SLC2A13: variants seen among roughly 807,000 people sequenced by gnomAD.
SLC2A13 encodes the protein proton myo-inositol cotransporter.
Under a neutral mutation model 64.4 loss-of-function variants are expected in SLC2A13, and 32 were observed. The ratio of observed to expected loss-of-function variants is 0.50; its 90% CI spans 0.37 to 0.67. The LOEUF (loss-of-function observed/expected upper bound fraction) is 0.67, where lower values mean the gene tolerates loss of function less well. Ranked by LOEUF, SLC2A13 falls within the 30% of genes least tolerant of loss-of-function variation. The pLI, the probability that SLC2A13 is intolerant of heterozygous loss-of-function variation, is 0.00. For missense variants in SLC2A13, 743 were observed against 829.2 expected, an observed-to-expected ratio of 0.90 and a Z score of 1.28; for synonymous variants, 338 against 327.1, an observed-to-expected ratio of 1.03 and a Z score of -0.36.
At chr12:40,079,934 G>C (rs775603767) in intron 1 of SLC2A13, among the ~76,000 whole-genome samples, 2 of 152,176 alleles carry the variant, frequency 1.3e-5, no homozygotes, top group Non-Finnish European at 2.9e-5. Flanking sequence ...CACAATCTCA[G>C]CTCACTACAA....
At chr12:39,900,867 T>G (rs957965192) in intron 4 of SLC2A13, among the ~76,000 whole-genome samples, 22 of 152,068 alleles carry the variant, frequency 1.4e-4, no homozygotes, top group African/African-American at 4.1e-4. Context: ...CCAAAAAAGA[T>G]CCCGCATCGC....
Position 39,755,524 on chromosome 12 carries a change from T to A in SLC2A13, c.*4502A>T, listed in dbSNP as rs1362104424. 1 of 152,152 alleles carries A rather than the reference T, an allele frequency of 6.6e-6. No individual in the cohort carries two copies. The highest frequency in any genetic ancestry group is 2.4e-5 in the African/African-American group (1 of 41,450). The allele number at this position is 152,152 out of a possible 1,614,324, so 9.4% of individuals were successfully genotyped here. ...GCTGCTAGGAGACAGTTTGGACGTG[T>A]AGAATATAAATTTCTACTTTGGCTA... On this transcript the variant is annotated 3_prime_UTR_variant, in exon 10 of 10. Transcript: ENST00000280871.
chr12:39,845,843 A>G (rs1450629582), intron 6 of SLC2A13, among the ~76,000 whole-genome samples: 1 of 152,164 alleles, frequency 6.6e-6, no homozygotes, highest in Non-Finnish European at 1.5e-5. Flanking sequence ...TACCAATGTT[A>G]GCACACAGTG....
At chr12:39,775,389 T>C (rs373003364) in intron 7 of SLC2A13, among the ~76,000 whole-genome samples, 2 of 152,220 alleles carry the variant, frequency 1.3e-5, no homozygotes, top group Non-Finnish European at 2.9e-5. Flanking sequence ...AGGATGTGGA[T>C]GTGGCCTACT....
At chr12:40,098,023 A>G (rs1325876802) in intron 1 of SLC2A13, among the ~76,000 whole-genome samples, 1 of 148,734 alleles carries the variant, frequency 6.7e-6, no homozygotes, top group African/African-American at 2.5e-5. Flanking sequence ...ATATATGTGT[A>G]TATGTATGTA....
intron 4 of SLC2A13, among the ~76,000 whole-genome samples, chr12:39,901,170 C>T (rs1440826404): frequency 1.3e-5 from 2 of 152,256 alleles, no homozygotes; most frequent in African/African-American, 4.8e-5. Context: ...CTTCCTTACA[C>T]CTTATACAAA....
At position 39,803,218 on chromosome 12, in the gene SLC2A13, A is replaced by C. The variant is rs547747125; in HGVS notation, c.1445+26885T>G. Among the ~76,000 whole-genome samples, 439 of 152,022 alleles carry C rather than the reference A, an allele frequency of 2.9e-3. 1 individual carries two copies. The highest frequency in any genetic ancestry group is 0.01 in the African/African-American group (416 of 41,444). ...AGAAGCAAATGCAAAAAAAAAAAAA[A>C]AAAACTTTCTAGAAGGACAAGCTCT... On this transcript the variant is annotated intron_variant, in intron 7 of 9. Coordinates refer to ENST00000280871, the MANE Select transcript of SLC2A13 (RefSeq NM_052885.4).
At chr12:39,789,668 CAGT>C (rs779588382) in intron 7 of SLC2A13, among the ~76,000 whole-genome samples, 2 of 152,118 alleles carry the variant, frequency 1.3e-5, no homozygotes, top group Non-Finnish European at 2.9e-5. Context: ...TTCTCACTAG[CAGT>C]AGAAGACAGA....
At chr12:39,955,941 G>A (rs544455335) in intron 3 of SLC2A13, among the ~76,000 whole-genome samples, 3 of 152,158 alleles carry the variant, frequency 2.0e-5, no homozygotes, top group Non-Finnish European at 4.4e-5. Context: ...AATGTCTACT[G>A]CGTTAAGCTA....
At chr12:39,934,892 G>A (rs956706172) in intron 4 of SLC2A13, among the ~76,000 whole-genome samples, 1 of 152,196 alleles carries the variant, frequency 6.6e-6, no homozygotes, top group African/African-American at 2.4e-5. Flanking sequence ...GCCATGAATG[G>A]CAGGTCATCA....
chr12:39,834,112 G>C (rs1942939955), intron 6 of SLC2A13, among the ~76,000 whole-genome samples: 1 of 151,718 alleles, frequency 6.6e-6, no homozygotes, highest in Non-Finnish European at 1.5e-5. Context: ...GTTTTCCCTG[G>C]GTGCAATCTT....
At chr12:40,057,414 G>A (rs1051943887) in intron 1 of SLC2A13, among the ~76,000 whole-genome samples, 2 of 152,034 alleles carry the variant, frequency 1.3e-5, no homozygotes, top group Non-Finnish European at 2.9e-5. Flanking sequence ...GGGGCAGGAA[G>A]AAAAAACAGC....
intron 1 of SLC2A13, among the ~76,000 whole-genome samples, chr12:40,102,652 A>G (rs138819646): frequency 9.2e-5 from 14 of 152,342 alleles, no homozygotes; most frequent in South Asian, 6.2e-4. Context: ...CCTAAATATC[A>G]TAAGGACAAA....
At chr12:39,912,240 T>C (rs896581507) in intron 4 of SLC2A13, among the ~76,000 whole-genome samples, 7 of 152,054 alleles carry the variant, frequency 4.6e-5, no homozygotes, top group Admixed American at 3.9e-4. Context: ...ATGTGCTTGA[T>C]AATCATCTGT....
Position 39,977,983 on chromosome 12 carries a change from G to A in SLC2A13, c.926-26618C>T, listed in dbSNP as rs1040578674. Reference sequence around the variant, plus strand: ...TTCTTCAGAGGCCTGTGTATTTCACGTGTGTGTTTTCATTAATGTCTCCCC... The same window carrying A: ...TTCTTCAGAGGCCTGTGTATTTCACATGTGTGTTTTCATTAATGTCTCCCC... On this transcript the variant is annotated intron_variant, in intron 3 of 9. Coordinates refer to ENST00000280871, the MANE Select transcript of SLC2A13 (RefSeq NM_052885.4). Among the ~76,000 whole-genome samples the A allele has an allele frequency of 3.3e-5, 5 of 152,120 alleles. No homozygotes were observed. In the East Asian group the frequency reaches 5.8e-4, roughly 18 times the overall value.
intron 1 of SLC2A13, among the ~76,000 whole-genome samples, chr12:40,064,957 A>C (rs1937666977): frequency 6.6e-6 from 1 of 152,208 alleles, no homozygotes; most frequent in African/African-American, 2.4e-5. Context: ...TAAAAACTAA[A>C]TATTGATATC....
At chr12:39,946,824 C>T (rs2404350) in intron 4 of SLC2A13, among the ~76,000 whole-genome samples, 33,243 of 152,156 alleles carry the variant, frequency 0.22, 4,612 homozygotes, top group African/African-American at 0.39. Flanking sequence ...GTTTTTCCCC[C>T]GGCCTGTGAA....
intron 4 of SLC2A13, among the ~76,000 whole-genome samples, chr12:39,941,860 C>T (rs1459706051): frequency 6.6e-6 from 1 of 152,100 alleles, no homozygotes; most frequent in Non-Finnish European, 1.5e-5. Context: ...GGTTTAAGTC[C>T]TTAATCCATT....
At chr12:39,947,198 C>T (rs900330098) in intron 4 of SLC2A13, among the ~76,000 whole-genome samples, 3 of 152,170 alleles carry the variant, frequency 2.0e-5, no homozygotes, top group African/African-American at 4.8e-5. Flanking sequence ...AAGTAAAAGA[C>T]CAAATGCCCC....
Sources: gnomAD v4.1 joint callset for allele counts (sites outside exome capture counted in the v4.1 genomes callset) on GRCh38, gnomAD v4.1.1 for gene constraint, MANE v1.5 for transcripts, NCBI Gene and HGNC (gene_info 2026-07-23, HGNC 2026-07-21) for gene names.